Variants in NOX5 observed in about 807,000 individuals in gnomAD.
NOX5 encodes the protein NADPH oxidase 5.
NOX5 carries 76 observed loss-of-function variants against 85.7 expected under a neutral mutation model. That is an observed-to-expected ratio of 0.89 (90% CI 0.74 to 1.07). The LOEUF (loss-of-function observed/expected upper bound fraction) is 1.07, where lower values mean the gene tolerates loss of function less well. Ranked by LOEUF, NOX5 falls within the 50% of genes least tolerant of loss-of-function variation. The pLI, the probability that NOX5 is intolerant of heterozygous loss-of-function variation, is 0.00. For missense variants in NOX5, 973 were observed against 999.5 expected (o/e 0.97, Z 0.36); for synonymous variants, 405 against 401.4 (o/e 1.01, Z -0.11).
At position 69,031,554 on chromosome 15, in the gene NOX5, G is replaced by T; in HGVS notation, c.362G>T (p.Trp121Leu). Reference protein sequence around the residue: ...ARQGASAGTEWGAGAGPHWAS... With the variant: ...ARQGASAGTELGAGAGPHWAS... ...CAGGGGGCGTCTGCAGGTACAGAGT[G>T]GGGTGCTGGGGCAGGCCCGCACTGG... Residue 121 changes from tryptophan to leucine, a missense_variant, in exon 4 of 16, where the codon TGG becomes TTG. Transcript: ENST00000388866. 1.2e-6 allele frequency: 2 copies of T among 1,611,918 alleles called. No individual in the cohort carries two copies. The highest frequency in any genetic ancestry group is 2.2e-5 in the East Asian group (1 of 44,878).
chr15:69,059,313 A>C lies in NOX5; in HGVS notation c.*2617A>C, dbSNP rs2050849584. On this transcript the variant is annotated 3_prime_UTR_variant, in exon 16 of 16. Coordinates refer to ENST00000388866, the MANE Select transcript of NOX5 (RefSeq NM_024505.4). ...GCGGGTTTGTTTCCCAGGAAGTGAG[A>C]CTGGTCCGTGAGTGGCAGTTAATCA... is the stretch of plus-strand genomic sequence containing the variant. 2.0e-5 allele frequency: 3 copies of C among 152,090 alleles called. No homozygotes were observed. In the South Asian group the frequency reaches 6.2e-4, roughly 32 times the overall value. The allele number at this position is 152,090 out of a possible 1,614,324, so 9.4% of individuals were successfully genotyped here.
At chr15:69,042,249 G>A (rs1226044514) in intron 9 of NOX5, among the ~76,000 whole-genome samples, 11 of 152,098 alleles carry the variant, frequency 7.2e-5, no homozygotes, top group Admixed American at 7.2e-4. Context: ...CTACATCCCA[G>A]GCATGGGTAT....
At chr15:69,042,457 A>G (rs945292112) in intron 9 of NOX5, among the ~76,000 whole-genome samples, 2 of 152,172 alleles carry the variant, frequency 1.3e-5, no homozygotes, top group Non-Finnish European at 2.9e-5. Flanking sequence ...GGTTGACTTC[A>G]TCAAGAAAGA....
intron 1 of NOX5, among the ~76,000 whole-genome samples, chr15:69,015,111 G>A (rs1349269178): frequency 2.6e-5 from 4 of 152,198 alleles, no homozygotes; most frequent in African/African-American, 9.7e-5. Context: ...AGAGATGCTT[G>A]TGGGCTGGTC....
rs866041515 is a variant in NOX5 at position 69,031,682 on chromosome 15, G to A, written c.490G>A (p.Glu164Lys). 1 of 1,613,150 alleles carries A rather than the reference G, an allele frequency of 6.2e-7. No individual in the cohort carries two copies. Among genetic ancestry groups the A allele is most frequent in the Non-Finnish European group, 8.5e-7 (1 of 1,179,892 alleles). The change falls in exon 4 of 16, where the codon GAG becomes AAG. Residue 164 changes from glutamate (E) to lysine (K), a missense_variant. Physicochemically the swap from Glu to Lys is moderately conservative, Grantham distance 56. Coordinates refer to ENST00000388866, the MANE Select transcript of NOX5 (RefSeq NM_024505.4). ...CGAGAGCGCCATCTCGCTGCCTGAC[G>A]AGAAGCTGGACCAGCTGACGCTGGC... ...LRESAISLPDEKLDQLTLALF... is the reference protein window; with the variant it reads ...LRESAISLPDKKLDQLTLALF...
At chr15:69,032,226 C>A (rs920506080) in intron 4 of NOX5, among the ~76,000 whole-genome samples, 2 of 152,156 alleles carry the variant, frequency 1.3e-5, no homozygotes, top group Non-Finnish European at 2.9e-5. Context: ...AGGTCTCCAC[C>A]CTGCTGGGGC....
Position 69,038,913 on chromosome 15 carries a change from C to T in NOX5, c.1428C>T (p.Tyr476=). 1.9e-6 allele frequency: 3 copies of T among 1,614,134 alleles called. No homozygotes were observed. In the South Asian group the frequency reaches 3.3e-5, roughly 18 times the overall value. The change falls in exon 9 of 16, where the codon TAC becomes TAT. Residue 476 remains tyrosine (Y), a synonymous_variant. Transcript: ENST00000388866. ...TTTTTCACTATAGACCTGGTGACTA[C>T]TTGTATCTGAACATCCCCACCATTG... is the stretch of plus-strand genomic sequence containing the variant. ...PPFFHYRPGD[Y]LYLNIPTIAR... is the part of the protein sequence containing the mutation.
chr15:69,053,339 C>T (rs889780373), intron 14 of NOX5, among the ~76,000 whole-genome samples: 15 of 152,144 alleles, frequency 9.9e-5, no homozygotes, highest in African/African-American at 3.6e-4. Context: ...ATGTCATCTG[C>T]AGAACACATA....
At chr15:69,033,347 A>G in intron 5 of NOX5, 70 bp downstream of exon 5, 1 of 1,492,132 alleles carries the variant, frequency 6.7e-7, no homozygotes, top group Non-Finnish European at 8.9e-7. Context: ...TCCTAGACAG[A>G]GCGACCCACA....
chr15:69,045,536 T>TCTTTCTTTCTTTCTTTCTTTCTTTCTTTC (rs1555437202), intron 10 of NOX5, among the ~76,000 whole-genome samples: 2 of 94,470 alleles, frequency 2.1e-5, no homozygotes, highest in African/African-American at 1.0e-4. Flanking sequence ...TTCCTTTCTT[T>TCTTTCTTTCTTTCTTTCTTTCTTTCTTTC]TTTCTTTCTT....
rs561102884 is a variant in NOX5, at chr15:69,032,906, C to T, written c.621-137C>T. ...CGACTGTGACCAAGCCACTTGACCT[C>T]TCTGTTTCCTGGTGTGAAGAAAGCC... On this transcript the variant is annotated intron_variant, in intron 4 of 15. Coordinates refer to ENST00000388866, the MANE Select transcript of NOX5 (RefSeq NM_024505.4). The T allele has an allele frequency of 1.8e-4, 217 of 1,227,500 alleles. No individual in the cohort carries two copies. In the African/African-American group the frequency reaches 3.2e-3, roughly 18 times the overall value. 76.0% of individuals were successfully genotyped at this position (1,227,500 alleles called of 1,614,324 possible). A position where few individuals can be genotyped will look rare whatever the true frequency, so the allele number is the denominator to read the frequency against.
chr15:69,023,358 AT>A, intron 1 of NOX5: 1 of 292,890 alleles, frequency 3.4e-6, no homozygotes, highest in Non-Finnish European at 6.7e-6. Flanking sequence ...GTTTCCATGC[AT>A]TTATTCAAAA....
intron 14 of NOX5, 71 bp from the exon 15 acceptor site, chr15:69,055,263 G>T: frequency 2.0e-6 from 3 of 1,516,578 alleles, no homozygotes; most frequent in Non-Finnish European, 2.7e-6. Context: ...GTAAGGTAGT[G>T]GTTGGCATCC....
Position 69,047,400 on chromosome 15 carries a change from C to G in NOX5, c.1693-13C>G. ...CCCCCCATCTCTCTTCTCTGATGCC[C>G]TCTTGTGCACAGTGCTACATCGATG... On this transcript the variant is annotated splice_polypyrimidine_tract_variant and intron_variant, in intron 11 of 15. Coordinates refer to ENST00000388866, the MANE Select transcript of NOX5 (RefSeq NM_024505.4). The G allele has an allele frequency of 4.4e-6, 7 of 1,591,768 alleles. No individual in the cohort carries two copies. Among genetic ancestry groups the G allele is most frequent in the Non-Finnish European group, 6.0e-6 (7 of 1,171,042 alleles).
intron 1 of NOX5, among the ~76,000 whole-genome samples, chr15:69,021,427 C>T (rs989272858): frequency 3.3e-5 from 5 of 151,080 alleles, no homozygotes; most frequent in East Asian, 1.9e-4. Context: ...AAGTGATTCT[C>T]CTGCCTCAGC....
In NOX5 at chr15:69,042,703, A is replaced by C; in HGVS notation, c.1545A>C (p.Thr515=). Residue 515 remains threonine, a synonymous_variant, in exon 10 of 16, where the codon ACA becomes ACC. Transcript: ENST00000388866. ...WLHIRSQGQW[T]NRLYESFKAS... Reference sequence around the variant, plus strand: ...ACATTCGGTCCCAAGGCCAGTGGACAAACAGGCTGTATGAGTCCTTCAAGG... The same window carrying C: ...ACATTCGGTCCCAAGGCCAGTGGACCAACAGGCTGTATGAGTCCTTCAAGG... 6.2e-7 allele frequency: 1 copy of C among 1,614,096 alleles called. No individual in the cohort carries two copies. Among genetic ancestry groups the C allele is most frequent in the South Asian group, 1.1e-5 (1 of 91,070 alleles).
In NOX5 at chr15:69,033,189, C is replaced by T. The variant is rs143909710; in HGVS notation, c.767C>T (p.Ala256Val). 1.9e-5 allele frequency: 30 copies of T among 1,592,166 alleles called. No homozygotes were observed. In the African/African-American group the frequency reaches 3.5e-4, roughly 18 times the overall value. Reference protein sequence around the residue: ...AGLHVLLFGLAASAHRDLGAS... With the variant: ...AGLHVLLFGLVASAHRDLGAS... Reference sequence around the variant, plus strand: ...CTCCACGTGCTGCTCTTCGGGCTGGCGGCCAGCGCGCACCGGGACCTCGGC... The same window carrying T: ...CTCCACGTGCTGCTCTTCGGGCTGGTGGCCAGCGCGCACCGGGACCTCGGC... Residue 256 changes from alanine to valine, a missense_variant, in exon 5 of 16, where the codon GCG becomes GTG. By Grantham distance (64) the Ala-to-Val change is moderately conservative (BLOSUM62 0). Transcript: ENST00000388866.
intron 1 of NOX5, among the ~76,000 whole-genome samples, chr15:69,021,957 A>C (rs1309112019): frequency 1.3e-5 from 2 of 152,142 alleles, no homozygotes; most frequent in Non-Finnish European, 2.9e-5. Context: ...AGCCTGGGAG[A>C]ATTTGTGAAA....
rs1056211755 is a variant in NOX5 at position 69,059,258 on chromosome 15, G to A, written c.*2562G>A. On this transcript the variant is annotated 3_prime_UTR_variant, in exon 16 of 16. Coordinates refer to ENST00000388866, the MANE Select transcript of NOX5 (RefSeq NM_024505.4). The stretch of plus-strand genomic sequence containing the variant: ...CTCCAGACAGATTCCAGTTGCCCAC[G>A]AGAGGGCGCTGCAGAATCACGGATC... 3 of 152,174 alleles carry A rather than the reference G, an allele frequency of 2.0e-5. No homozygotes were observed. Among genetic ancestry groups the A allele is most frequent in the Non-Finnish European group, 2.9e-5 (2 of 68,040 alleles). The allele number at this position is 152,174 out of a possible 1,614,324, so 9.4% of individuals were successfully genotyped here.
Sources: allele counts gnomAD v4.1 joint callset (sites outside exome capture counted in the v4.1 genomes callset), GRCh38; gene constraint gnomAD v4.1.1; transcripts MANE v1.5; gene names NCBI Gene and HGNC (gene_info 2026-07-23, HGNC 2026-07-21).